VAX2: variants seen among roughly 807,000 people sequenced by gnomAD.
The protein encoded by VAX2 is ventral anterior homeobox 2.
Under a neutral mutation model 12.5 loss-of-function variants are expected in VAX2, and 8 were observed. That is an observed-to-expected ratio of 0.64 (90% CI 0.37 to 1.15). The LOEUF is 1.15. Ranked by LOEUF, VAX2 falls within the 50% of genes most tolerant of loss-of-function variation. VAX2 has a pLI of 0.01. For synonymous variants in VAX2, 183 were observed against 187.6 expected (o/e 0.98, Z 0.20); for missense variants, 476 against 412.9 (o/e 1.15, Z -1.32).
At chr2:70,902,123 T>C (rs1678948894) in intron 1 of VAX2, among the ~76,000 whole-genome samples, 1 of 152,216 alleles carries the variant, frequency 6.6e-6, no homozygotes, top group Non-Finnish European at 1.5e-5. Context: ...TCAAGCTGAC[T>C]GGGACACCCT....
chr2:70,910,779 T>C (rs782668052), intron 1 of VAX2, among the ~76,000 whole-genome samples: 88 of 144,646 alleles, frequency 6.1e-4, no homozygotes, highest in Non-Finnish European at 7.7e-4. Flanking sequence ...CCAGGTCACT[T>C]TCTTAAAAAA....
At chr2:70,920,912 A>G (rs1034640801) in intron 1 of VAX2, among the ~76,000 whole-genome samples, 186 bp from the exon 2 acceptor site, 2 of 152,082 alleles carry the variant, frequency 1.3e-5, no homozygotes, top group Non-Finnish European at 2.9e-5. Context: ...ATTAGATATA[A>G]TACCCTGCAT....
At position 70,900,807 on chromosome 2, in the gene VAX2, C is replaced by A. The variant is rs782254461; in HGVS notation, c.186C>A (p.Ala62=). The A allele has an allele frequency of 8.9e-5, 132 of 1,491,046 alleles. 1 individual carries two copies. The highest frequency in any genetic ancestry group is 2.2e-4 in the Admixed American group (10 of 45,800). The allele number at this position is 1,491,046 out of a possible 1,614,324, so 92.4% of individuals were successfully genotyped here. The change falls in exon 1 of 3, where the codon GCC becomes GCA. Residue 62 remains alanine, a synonymous_variant. Transcript: ENST00000234392. ...SSPAGSRESG[A]DSDGQPGPGE... Reference sequence around the variant, plus strand: ...CCGCAGGCTCCAGGGAGAGTGGAGCCGACAGCGACGGGCAGCCCGGGCCCG... The same window carrying A: ...CCGCAGGCTCCAGGGAGAGTGGAGCAGACAGCGACGGGCAGCCCGGGCCCG...
intron 1 of VAX2, among the ~76,000 whole-genome samples, chr2:70,906,520 C>CTTTTTTTT (rs869309305): frequency 0.011 from 677 of 60,592 alleles, 108 homozygotes; most frequent in African/African-American, 0.016. Flanking sequence ...TTTTCTTTTC[C>CTTTTTTTT]TTTTTTTTTT....
At chr2:70,902,949 T>C (rs1553409973) in intron 1 of VAX2, among the ~76,000 whole-genome samples, 1 of 152,226 alleles carries the variant, frequency 6.6e-6, no homozygotes, top group East Asian at 1.9e-4. Context: ...ATTTACACAC[T>C]TGACAGAAAT....
Position 70,904,452 on chromosome 2 carries a change from G to A in VAX2, c.247+3584G>A, listed in dbSNP as rs1553410278. 6.6e-6 allele frequency among the ~76,000 whole-genome samples: 1 copy of A among 152,150 alleles called. No homozygotes were observed. The highest frequency in any genetic ancestry group is 2.4e-5 in the African/African-American group (1 of 41,438). ...CTGTTTCCCAAATTAATCCAGACGC[G>A]AATTTAACGACCGATTTTGATAGAT... On this transcript the variant is annotated intron_variant, in intron 1 of 2. Coordinates refer to ENST00000234392, the MANE Select transcript of VAX2 (RefSeq NM_012476.3). This position sits in a 1 kb window ranked among gnomAD's most constrained non-coding sequence, Gnocchi z 4.2.
At chr2:70,920,540 C>A (rs1679433921) in intron 1 of VAX2, among the ~76,000 whole-genome samples, 1 of 152,056 alleles carries the variant, frequency 6.6e-6, no homozygotes, top group South Asian at 2.1e-4. Flanking sequence ...GACCTCAGCT[C>A]CCCAGACTGT....
intron 2 of VAX2, among the ~76,000 whole-genome samples, chr2:70,930,595 G>A (rs1679673705): frequency 6.6e-6 from 1 of 152,176 alleles, no homozygotes; most frequent in Non-Finnish European, 1.5e-5. Context: ...AGGAGGGGAA[G>A]CACCAAGGCC....
At chr2:70,905,132 C>A (rs1679022754) in intron 1 of VAX2, among the ~76,000 whole-genome samples, 1 of 152,180 alleles carries the variant, frequency 6.6e-6, no homozygotes, top group East Asian at 2.0e-4. Flanking sequence ...GGCCGCAGGC[C>A]TAGCCCTGCT....
At chr2:70,911,162 A>G (rs1679176621) in intron 1 of VAX2, among the ~76,000 whole-genome samples, 2 of 152,144 alleles carry the variant, frequency 1.3e-5, no homozygotes, top group African/African-American at 2.4e-5. Context: ...TGGTTACAAA[A>G]ACACAAACAC....
At chr2:70,924,910 C>A (rs782067976) in intron 2 of VAX2, among the ~76,000 whole-genome samples, 4 of 151,948 alleles carry the variant, frequency 2.6e-5, no homozygotes, top group Non-Finnish European at 5.9e-5. Context: ...AGGAGAGAGA[C>A]TAAAAGGAAG....
chr2:70,908,350 C>A (rs562360932), intron 1 of VAX2, among the ~76,000 whole-genome samples: 1 of 152,308 alleles, frequency 6.6e-6, no homozygotes, highest in African/African-American at 2.4e-5. Context: ...ATCCCTGTCC[C>A]CATCACCCAC....
chr2:70,919,948 C>T (rs1553412570), intron 1 of VAX2, among the ~76,000 whole-genome samples: 4 of 152,204 alleles, frequency 2.6e-5, no homozygotes, highest in Admixed American at 6.5e-5. Flanking sequence ...GCCTTTGTTA[C>T]GGCTGGAATG....
intron 1 of VAX2, among the ~76,000 whole-genome samples, chr2:70,905,278 G>T (rs1679027051): frequency 6.6e-6 from 1 of 152,188 alleles, no homozygotes; most frequent in African/African-American, 2.4e-5. Context: ...TGCACTTTGA[G>T]ATTTTTGTAT....
chr2:70,919,619 T>C (rs1463694291), intron 1 of VAX2, among the ~76,000 whole-genome samples: 1 of 152,104 alleles, frequency 6.6e-6, no homozygotes, highest in Non-Finnish European at 1.5e-5. Context: ...GGCGGGCAGA[T>C]CACTTGAACC....
intron 2 of VAX2, among the ~76,000 whole-genome samples, chr2:70,922,083 T>C (rs1048934908): frequency 2.0e-5 from 3 of 152,142 alleles, no homozygotes; most frequent in Admixed American, 2.0e-4. Context: ...GACAACTAAT[T>C]AGTTCCGGAG....
chr2:70,917,207 A>G (rs56766714), intron 1 of VAX2, among the ~76,000 whole-genome samples: 3,100 of 148,396 alleles, frequency 0.021, 127 homozygotes, highest in African/African-American at 0.073. Flanking sequence ...CTGTAACCCC[A>G]GCTACTCAGG....
At chr2:70,919,227 CCACAAAAAAAAAAAAAAAA>C (rs1679391450) in intron 1 of VAX2, among the ~76,000 whole-genome samples, 1 of 135,422 alleles carries the variant, frequency 7.4e-6, no homozygotes, top group African/African-American at 2.6e-5. Context: ...GAGTGTGTCT[CCACAAAAAAAAAAAAAAAA>C]GAATAAAAAA....
At chr2:70,912,809 A>T (rs1417459800) in intron 1 of VAX2, among the ~76,000 whole-genome samples, 2 of 152,104 alleles carry the variant, frequency 1.3e-5, no homozygotes, top group African/African-American at 4.8e-5. Flanking sequence ...AGCATAAGCT[A>T]ACTACTATCA....
Sources: allele counts gnomAD v4.1 joint callset (sites outside exome capture counted in the v4.1 genomes callset), GRCh38; gene constraint gnomAD v4.1.1; non-coding constraint Gnocchi (gnomAD v3.1); transcripts MANE v1.5; gene names NCBI Gene and HGNC (gene_info 2026-07-23, HGNC 2026-07-21).